Variants in CALD1 observed in about 807,000 individuals in gnomAD.
CALD1 encodes caldesmon 1, also known as caldesmon.
A neutral mutation model predicts 99.9 loss-of-function variants in CALD1; 33 were observed. The observed-to-expected ratio is 0.33, with a 90% confidence interval of 0.25 to 0.44. The LOEUF is 0.44. Ranked by LOEUF, CALD1 falls within the 20% of genes least tolerant of loss-of-function variation. The probability of loss-of-function intolerance (pLI) is 1.00; values close to 1 mark genes in which losing one functional copy is unlikely to be tolerated. For missense variants in CALD1, 861 were observed against 962.1 expected, an observed-to-expected ratio of 0.89 and a Z score of 1.39; for synonymous variants, 310 against 325.0, an observed-to-expected ratio of 0.95 and a Z score of 0.50.
At chr7:134,871,957 C>G (rs910709118) in intron 3 of CALD1, among the ~76,000 whole-genome samples, 3 of 152,238 alleles carry the variant, frequency 2.0e-5, no homozygotes, top group Non-Finnish European at 2.9e-5. Context: ...GTGCTTAGGA[C>G]TGGCATTTAT....
In CALD1 at chr7:134,947,682, G is replaced by A. The variant is rs768349688; in HGVS notation, c.1707G>A (p.Lys569=). ...QEAALELEEL[K]KKREERRKVL... is the part of the protein sequence containing the mutation. The stretch of plus-strand genomic sequence containing the variant: ...CGGCTTTGGAGCTGGAGGAACTCAA[G>A]AAAAAGAGGGAGGAGAGAAGGAAGG... The change falls in exon 8 of 15, where the codon AAG becomes AAA. Residue 569 remains lysine, a synonymous_variant. Transcript: ENST00000361675. 3 of 1,603,734 alleles carry A rather than the reference G, an allele frequency of 1.9e-6. No individual in the cohort carries two copies. Among genetic ancestry groups the A allele is most frequent in the African/African-American group, 1.3e-5 (1 of 74,634 alleles).
At chr7:134,916,651 T>G (rs949836505) in intron 3 of CALD1, among the ~76,000 whole-genome samples, 4 of 152,252 alleles carry the variant, frequency 2.6e-5, no homozygotes, top group Non-Finnish European at 4.4e-5. Flanking sequence ...CAATACCACT[T>G]TCCCTTGCAG....
At chr7:134,838,948 G>A (rs1033474876) in intron 1 of CALD1, among the ~76,000 whole-genome samples, 4 of 152,076 alleles carry the variant, frequency 2.6e-5, no homozygotes, top group African/African-American at 9.7e-5. Context: ...GTAACATATA[G>A]AGAAGTGCAC....
intron 3 of CALD1, among the ~76,000 whole-genome samples, chr7:134,914,726 C>T (rs759037236): frequency 2.0e-5 from 3 of 152,142 alleles, no homozygotes; most frequent in Non-Finnish European, 4.4e-5. Flanking sequence ...TGGAAAGGTC[C>T]TCTTTCATTC....
intron 3 of CALD1, among the ~76,000 whole-genome samples, chr7:134,899,636 T>C (rs1802839786): frequency 2.9e-5 from 1 of 34,582 alleles, no homozygotes; most frequent in African/African-American, 1.1e-4. Flanking sequence ...ATCTTTCTTT[T>C]TTGTTTTTGT....
chr7:134,965,530 AAC>A, intron 14 of CALD1, 144 bp downstream of exon 14: 1 of 588,426 alleles, frequency 1.7e-6, no homozygotes, highest in Non-Finnish European at 3.1e-6. Context: ...ACCAGTACAT[AAC>A]ACAGTGAAAT....
chr7:134,774,932 G>C (rs1382053441), upstream of CALD1, among the ~76,000 whole-genome samples: 1 of 152,156 alleles, frequency 6.6e-6, no homozygotes, highest in Admixed American at 6.5e-5. Flanking sequence ...GAAATTAAAT[G>C]AGTGTTCTTA....
chr7:134,757,925 A>G (rs560833522), intron 1 of CALD1, among the ~76,000 whole-genome samples: 27 of 152,306 alleles, frequency 1.8e-4, no homozygotes, highest in Admixed American at 4.6e-4. Context: ...AACTTTCAGA[A>G]TGGCTCTACA....
chr7:134,869,794 T>C (rs1395034125), intron 3 of CALD1, among the ~76,000 whole-genome samples: 1 of 152,078 alleles, frequency 6.6e-6, no homozygotes, highest in Admixed American at 6.6e-5. Flanking sequence ...CACAGTATGG[T>C]GGTGCTAGTA....
At chr7:134,949,109 G>C (rs1053739228) in intron 8 of CALD1, among the ~76,000 whole-genome samples, 3 of 152,082 alleles carry the variant, frequency 2.0e-5, no homozygotes, top group Non-Finnish European at 4.4e-5. Context: ...CCAGTGCCTG[G>C]CACATTCTAG....
At chr7:134,926,836 T>C (rs940528606) in intron 3 of CALD1, among the ~76,000 whole-genome samples, 1 of 152,228 alleles carries the variant, frequency 6.6e-6, no homozygotes, top group Non-Finnish European at 1.5e-5. Context: ...ATTGTACCTA[T>C]AGTTAACAAT....
intron 1 of CALD1, among the ~76,000 whole-genome samples, chr7:134,818,860 A>G (rs917511137): frequency 1.3e-5 from 2 of 152,164 alleles, no homozygotes; most frequent in Non-Finnish European, 2.9e-5. Flanking sequence ...GAAACCAAGC[A>G]GTCAACCAGT....
intron 3 of CALD1, 99 bp downstream of exon 3, chr7:134,867,903 C>T (rs75460376): frequency 0.036 from 21,114 of 593,040 alleles, 510 homozygotes; most frequent in Non-Finnish European, 0.042. Context: ...GTGGTCATAT[C>T]GCACACCAAA....
intron 2 of CALD1, among the ~76,000 whole-genome samples, chr7:134,860,608 G>A (rs924013419): frequency 6.6e-6 from 1 of 152,176 alleles, no homozygotes; most frequent in Non-Finnish European, 1.5e-5. Flanking sequence ...TGCCTACTCT[G>A]TCTCAATTGT....
rs75799170 is a variant in CALD1, at chr7:134,758,014, C to T, written c.-130+13651C>T. 5.5e-3 allele frequency among the ~76,000 whole-genome samples: 834 copies of T among 152,288 alleles called. 7 individuals carry two copies. Among genetic ancestry groups the T allele is most frequent in the African/African-American group, 0.018 (728 of 41,558 alleles). On this transcript the variant is annotated intron_variant, in intron 1 of 13. Transcript: ENST00000417172. ...TTTGATGACAATGCAAGGCTCGTAC[C>T]TTGAGTCAAACTTGTAACCAGCTGA...
At chr7:134,934,646 G>C (rs1323980204) in intron 5 of CALD1, among the ~76,000 whole-genome samples, 2 of 152,194 alleles carry the variant, frequency 1.3e-5, no homozygotes, top group South Asian at 2.1e-4. Flanking sequence ...CACTTTGGGA[G>C]GCTGAGGTGG....
chr7:134,723,107 A>C, the CALD1 span, among the ~76,000 whole-genome samples: 1,649 of 152,332 alleles, frequency 0.011, 34 homozygotes, highest in African/African-American at 0.037. Context: ...TATGAAGCTC[A>C]TCTCTATCAG....
In CALD1 at chr7:134,958,298, T is replaced by A; in HGVS notation, c.2061+8T>A. The A allele has an allele frequency of 6.2e-7, 1 of 1,607,240 alleles. No individual in the cohort carries two copies. Among genetic ancestry groups the A allele is most frequent in the Non-Finnish European group, 8.5e-7 (1 of 1,173,846 alleles). On this transcript the variant is annotated splice_region_variant and intron_variant, in intron 11 of 14. Transcript: ENST00000361675. ...TATACCAGTGCAATTGAGGTGAGAA[T>A]TGTCCTCAGCGTTATGGTCCTGCTG...
At chr7:134,951,450 T>C (rs999743119) in intron 9 of CALD1, among the ~76,000 whole-genome samples, 1 of 152,276 alleles carries the variant, frequency 6.6e-6, no homozygotes, top group Non-Finnish European at 1.5e-5. Context: ...CTAAAATTTA[T>C]AAAATAGGAA....
Sources: allele counts gnomAD v4.1 joint callset (sites outside exome capture counted in the v4.1 genomes callset), GRCh38; gene constraint gnomAD v4.1.1; transcripts MANE v1.5; gene names NCBI Gene and HGNC (gene_info 2026-07-23, HGNC 2026-07-21).